CCDC83: variants seen among roughly 807,000 people sequenced by gnomAD.
CCDC83 encodes coiled-coil domain containing 83.
CCDC83 carries 54 observed loss-of-function variants against 50.1 expected under a neutral mutation model. The observed-to-expected ratio is 1.08, with a 90% confidence interval of 0.87 to 1.35. The LOEUF is 1.35. Ranked by LOEUF, CCDC83 falls within the 40% of genes most tolerant of loss-of-function variation. The pLI is 0.00. For synonymous variants in CCDC83, 161 were observed against 153.3 expected (o/e 1.05, Z -0.37); for missense variants, 518 against 473.9 (o/e 1.09, Z -0.86).
intron 2 of CCDC83, among the ~76,000 whole-genome samples, chr11:85,868,770 C>T (rs180819787): frequency 0.01 from 1,501 of 146,546 alleles, 14 homozygotes; most frequent in African/African-American, 0.037. Flanking sequence ...CCTCAACCTC[C>T]TGAAATGTTA....
At chr11:85,877,402 T>A (rs1215964578) in intron 3 of CCDC83, among the ~76,000 whole-genome samples, 1 of 152,158 alleles carries the variant, frequency 6.6e-6, no homozygotes, top group Non-Finnish European at 1.5e-5. Flanking sequence ...GCCCAGGAGT[T>A]TGAGGTTACA....
At chr11:85,901,096 T>C (rs374759670) in intron 7 of CCDC83, among the ~76,000 whole-genome samples, 1 of 149,408 alleles carries the variant, frequency 6.7e-6, no homozygotes, top group East Asian at 2.0e-4. Flanking sequence ...GCCAGACACA[T>C]TGGCTCACAT....
intron 4 of CCDC83, among the ~76,000 whole-genome samples, chr11:85,884,796 G>A (rs890497318): frequency 6.6e-6 from 1 of 152,152 alleles, no homozygotes; most frequent in Non-Finnish European, 1.5e-5. Flanking sequence ...AAGGCCAAAT[G>A]GGGCACTGGC....
chr11:85,883,259 A>G (rs890763017), intron 4 of CCDC83, among the ~76,000 whole-genome samples: 2 of 150,288 alleles, frequency 1.3e-5, no homozygotes, highest in African/African-American at 2.4e-5. Flanking sequence ...GTTAAACACC[A>G]TTACTCATAG....
chr11:85,858,598 A>T (rs1490156523), intron 1 of CCDC83, among the ~76,000 whole-genome samples: 1 of 152,190 alleles, frequency 6.6e-6, no homozygotes, highest in African/African-American at 2.4e-5. Flanking sequence ...CTTGGTCATG[A>T]TAGGGGTACA....
intron 5 of CCDC83, among the ~76,000 whole-genome samples, chr11:85,886,837 C>T (rs1418801078): frequency 6.6e-6 from 1 of 152,128 alleles, no homozygotes; most frequent in Non-Finnish European, 1.5e-5. Context: ...CAGTTGAGCC[C>T]CGTGGTCAAG....
chr11:85,888,424 G>A (rs1013133690), intron 5 of CCDC83, among the ~76,000 whole-genome samples: 1 of 152,078 alleles, frequency 6.6e-6, no homozygotes, highest in Non-Finnish European at 1.5e-5. Context: ...ATAACTTCAA[G>A]AGCTATATGA....
At chr11:85,911,440 A>G (rs2093453741) in intron 8 of CCDC83, 38 bp downstream of exon 8, 1 of 1,492,186 alleles carries the variant, frequency 6.7e-7, no homozygotes, top group Non-Finnish European at 9.0e-7. Flanking sequence ...TTTTGTAAAC[A>G]TTTGTATCTG....
At chr11:85,871,159 T>G (rs868025046) in intron 2 of CCDC83, among the ~76,000 whole-genome samples, 1 of 152,076 alleles carries the variant, frequency 6.6e-6, no homozygotes, top group Non-Finnish European at 1.5e-5. Flanking sequence ...AGAGCAAGAC[T>G]CTATTTCAAA....
intron 7 of CCDC83, among the ~76,000 whole-genome samples, chr11:85,906,846 TTA>T (rs2093428071): frequency 2.1e-5 from 3 of 146,226 alleles, no homozygotes; most frequent in Non-Finnish European, 3.1e-5. Context: ...GTTCAGGCCG[TTA>T]TACTCCAGCC....
intron 2 of CCDC83, among the ~76,000 whole-genome samples, chr11:85,869,351 G>C (rs1475131965): frequency 6.6e-6 from 1 of 152,164 alleles, no homozygotes; most frequent in Non-Finnish European, 1.5e-5. Context: ...AGTAACGGTA[G>C]TTTTTATTTT....
chr11:85,899,215 A>G (rs545976825), intron 7 of CCDC83, among the ~76,000 whole-genome samples, 200 bp downstream of exon 7: 2 of 152,288 alleles, frequency 1.3e-5, no homozygotes, highest in African/African-American at 4.8e-5. Flanking sequence ...TCAGAAAAAA[A>G]TGTTGGGGTT....
At chr11:85,915,920 C>A in intron 9 of CCDC83, 108 bp from the exon 10 acceptor site, 1 of 751,158 alleles carries the variant, frequency 1.3e-6, no homozygotes, top group Non-Finnish European at 2.3e-6. Flanking sequence ...TCTACATTTG[C>A]AATTCTCAAA....
intron 5 of CCDC83, among the ~76,000 whole-genome samples, chr11:85,893,077 C>A (rs764096578): frequency 1.5e-4 from 23 of 152,138 alleles, no homozygotes; most frequent in Non-Finnish European, 3.1e-4. Context: ...CTCTCTACTC[C>A]CTCTTCCCCT....
chr11:85,866,333 C>T (rs2093206588), intron 2 of CCDC83, among the ~76,000 whole-genome samples: 1 of 151,948 alleles, frequency 6.6e-6, no homozygotes, highest in Admixed American at 6.6e-5. Context: ...CAAACAGGAC[C>T]ACATGGTCCC....
At chr11:85,876,741 G>A (rs2093271637) in intron 3 of CCDC83, among the ~76,000 whole-genome samples, 1 of 152,220 alleles carries the variant, frequency 6.6e-6, no homozygotes, top group Admixed American at 6.5e-5. Flanking sequence ...TTGACCTCAA[G>A]TGATCCATTT....
At chr11:85,887,192 C>T (rs2093331191) in intron 5 of CCDC83, among the ~76,000 whole-genome samples, 1 of 152,198 alleles carries the variant, frequency 6.6e-6, no homozygotes, top group South Asian at 2.1e-4. Context: ...AGCAATGAAG[C>T]TTACCAGGAC....
chr11:85,871,051 C>T (rs544866827), intron 2 of CCDC83, among the ~76,000 whole-genome samples: 13 of 152,032 alleles, frequency 8.6e-5, no homozygotes, highest in Non-Finnish European at 1.6e-4. Flanking sequence ...CCTGTAATCC[C>T]AGTTACTGGG....
intron 3 of CCDC83, 58 bp from the exon 4 acceptor site, chr11:85,882,455 G>C (rs868152799): frequency 7.2e-6 from 11 of 1,535,590 alleles, no homozygotes; most frequent in Middle Eastern, 3.5e-4. Context: ...ACTCTATTTT[G>C]AGGAAACATA....
Sources: allele counts gnomAD v4.1 joint callset (sites outside exome capture counted in the v4.1 genomes callset), GRCh38; gene constraint gnomAD v4.1.1; transcripts MANE v1.5; gene names NCBI Gene and HGNC (gene_info 2026-07-23, HGNC 2026-07-21).